The following PIP4K2A variants were observed in gnomAD, a reference collection of about 807,000 sequenced individuals.
PIP4K2A encodes the protein phosphatidylinositol-5-phosphate 4-kinase type 2 alpha.
A neutral mutation model predicts 42.9 loss-of-function variants in PIP4K2A; 14 were observed. That is an observed-to-expected ratio of 0.33 (90% CI 0.22 to 0.51). PIP4K2A has a LOEUF of 0.51. Ranked by LOEUF, PIP4K2A falls within the 20% of genes least tolerant of loss-of-function variation. PIP4K2A has a pLI of 0.97. For synonymous variants in PIP4K2A, 192 were observed against 192.2 expected, an observed-to-expected ratio of 1.00 and a Z score of 0.01; for missense variants, 434 against 519.8, an observed-to-expected ratio of 0.83 and a Z score of 1.61.
At chr10:22,656,001 A>T (rs1839092844) in intron 1 of PIP4K2A, among the ~76,000 whole-genome samples, 1 of 152,132 alleles carries the variant, frequency 6.6e-6, no homozygotes, top group South Asian at 2.1e-4. Flanking sequence ...CAAACCAAGA[A>T]TCCACCAATC....
intron 7 of PIP4K2A, among the ~76,000 whole-genome samples, chr10:22,543,303 A>C (rs1836175886): frequency 6.6e-6 from 1 of 152,190 alleles, no homozygotes; most frequent in Admixed American, 6.5e-5. Context: ...TCAGCCCAGC[A>C]AACTGGCCAG....
At chr10:22,713,576 C>T (rs1218177734) in intron 1 of PIP4K2A, among the ~76,000 whole-genome samples, 1 of 152,222 alleles carries the variant, frequency 6.6e-6, no homozygotes, top group Non-Finnish European at 1.5e-5. Context: ...TGCTGCTTTG[C>T]CAAAAAGCCG....
At chr10:22,601,208 T>C (rs1303552782) in intron 3 of PIP4K2A, among the ~76,000 whole-genome samples, 1 of 143,424 alleles carries the variant, frequency 7.0e-6, no homozygotes, top group Non-Finnish European at 1.5e-5. Flanking sequence ...ACACAGCGTT[T>C]AACCTGGAGA....
chr10:22,582,350 T>C (rs966780827), intron 4 of PIP4K2A, among the ~76,000 whole-genome samples: 1 of 152,070 alleles, frequency 6.6e-6, no homozygotes, highest in Non-Finnish European at 1.5e-5. Flanking sequence ...CCCTGATTTG[T>C]TGCTATTCTC....
chr10:22,640,014 C>CTTTTTTTTT (rs71395806), intron 1 of PIP4K2A, among the ~76,000 whole-genome samples: 11 of 92,350 alleles, frequency 1.2e-4, no homozygotes, highest in African/African-American at 4.1e-4. Flanking sequence ...GATGTGTTGT[C>CTTTTTTTTT]TTTTTTTTTT....
intron 4 of PIP4K2A, among the ~76,000 whole-genome samples, chr10:22,590,113 A>G (rs1837479122): frequency 6.6e-6 from 1 of 152,206 alleles, no homozygotes; most frequent in Non-Finnish European, 1.5e-5. Flanking sequence ...GTGAGGCTAC[A>G]GTGAGAAGCT....
intron 4 of PIP4K2A, among the ~76,000 whole-genome samples, chr10:22,581,740 G>A (rs1316238736): frequency 6.6e-6 from 1 of 152,058 alleles, no homozygotes; most frequent in Non-Finnish European, 1.5e-5. Flanking sequence ...TATTTTTGCT[G>A]GCTTTTTACA....
chr10:22,538,701 G>A (rs1035714767), intron 9 of PIP4K2A, among the ~76,000 whole-genome samples: 2 of 152,128 alleles, frequency 1.3e-5, no homozygotes, highest in Admixed American at 6.5e-5. Flanking sequence ...ATGACGGAAT[G>A]GGGGTGGTGC....
intron 5 of PIP4K2A, among the ~76,000 whole-genome samples, chr10:22,570,218 A>G (rs2130791112): frequency 6.6e-6 from 1 of 152,362 alleles, no homozygotes; most frequent in East Asian, 1.9e-4. Flanking sequence ...TATGTATCTT[A>G]TTTAATTCTC....
At chr10:22,648,528 T>A (rs1052267199) in intron 1 of PIP4K2A, among the ~76,000 whole-genome samples, 2 of 152,240 alleles carry the variant, frequency 1.3e-5, no homozygotes, top group African/African-American at 4.8e-5. Context: ...TTCCAAGTAT[T>A]TTCCTCAGAC....
chr10:22,542,257 C>T (rs1564412573), intron 7 of PIP4K2A, among the ~76,000 whole-genome samples: 1 of 151,450 alleles, frequency 6.6e-6, no homozygotes, highest in Non-Finnish European at 1.5e-5. Flanking sequence ...AGAGCTCAGG[C>T]TGTTTACCCT....
chr10:22,697,327 T>C (rs1467941144), intron 1 of PIP4K2A, among the ~76,000 whole-genome samples: 1 of 152,196 alleles, frequency 6.6e-6, no homozygotes, highest in South Asian at 2.1e-4. Flanking sequence ...CCGGCATTAT[T>C]TATACTACAT....
intron 3 of PIP4K2A, among the ~76,000 whole-genome samples, chr10:22,601,447 C>T (rs1837774331): frequency 6.6e-6 from 1 of 152,186 alleles, no homozygotes; most frequent in African/African-American, 2.4e-5. Context: ...TTCCCCCAGT[C>T]TATCAAGAGG....
chr10:22,621,655 C>T (rs1332491630), intron 1 of PIP4K2A, among the ~76,000 whole-genome samples: 1 of 152,172 alleles, frequency 6.6e-6, no homozygotes, highest in African/African-American at 2.4e-5. Flanking sequence ...CAGATAACCA[C>T]ATCTACTGAA....
At chr10:22,555,466 A>T (rs1035763909) in intron 6 of PIP4K2A, among the ~76,000 whole-genome samples, 3 of 152,220 alleles carry the variant, frequency 2.0e-5, no homozygotes, top group African/African-American at 7.2e-5. Flanking sequence ...GATCTAGGAA[A>T]AGCGCATCGC....
chr10:22,640,401 T>G (rs951033757), intron 1 of PIP4K2A, among the ~76,000 whole-genome samples: 1 of 152,162 alleles, frequency 6.6e-6, no homozygotes, highest in African/African-American at 2.4e-5. Context: ...AGTTGGGAGA[T>G]TCATCCCACA....
chr10:22,610,639 AC>A (rs138645760), intron 1 of PIP4K2A, among the ~76,000 whole-genome samples: 501 of 152,046 alleles, frequency 3.3e-3, no homozygotes, highest in Non-Finnish European at 5.7e-3. Flanking sequence ...TCTCCAAGAC[AC>A]CTTTCTTCCC....
intron 1 of PIP4K2A, among the ~76,000 whole-genome samples, chr10:22,635,738 T>G (rs1838648123): frequency 6.6e-6 from 1 of 152,072 alleles, no homozygotes; most frequent in South Asian, 2.1e-4. Flanking sequence ...AGGAGCTCAG[T>G]GTGTGGAATA....
At chr10:22,665,006 C>G (rs969109724) in intron 1 of PIP4K2A, among the ~76,000 whole-genome samples, 1 of 151,946 alleles carries the variant, frequency 6.6e-6, no homozygotes, top group African/African-American at 2.4e-5. Flanking sequence ...AAAAACATAA[C>G]ATTATTGTAA....
Sources: allele counts gnomAD v4.1 joint callset (sites outside exome capture counted in the v4.1 genomes callset), GRCh38; gene constraint gnomAD v4.1.1; transcripts MANE v1.5; gene names NCBI Gene and HGNC (gene_info 2026-07-23, HGNC 2026-07-21).